Variants in NCALD observed in about 807,000 individuals in gnomAD.
NCALD encodes the protein neurocalcin delta.
Under a neutral mutation model 18.6 loss-of-function variants are expected in NCALD, and 10 were observed. That is an observed-to-expected ratio of 0.54 (90% CI 0.33 to 0.91). The LOEUF is 0.91. Among genes scored for constraint, NCALD ranks in the 40% least tolerant of loss-of-function variants. The pLI, the probability that NCALD is intolerant of heterozygous loss-of-function variation, is 0.03. For missense variants in NCALD, 184 were observed against 247.6 expected (o/e 0.74, Z 1.72); for synonymous variants, 88 against 87.4 (o/e 1.01, Z -0.04).
chr8:101,718,700 T>C (rs886922406), intron 2 of NCALD, among the ~76,000 whole-genome samples: 1 of 152,124 alleles, frequency 6.6e-6, no homozygotes, highest in Non-Finnish European at 1.5e-5. Flanking sequence ...GAACCACTCC[T>C]CTCAGCCAAG....
chr8:101,932,271 C>A (rs1451843785), intron 2 of NCALD, among the ~76,000 whole-genome samples: 1 of 152,156 alleles, frequency 6.6e-6, no homozygotes. Flanking sequence ...TGAGGACAGT[C>A]CTCAGCCAAT....
At chr8:101,851,105 T>C (rs1815075313) in intron 4 of NCALD, among the ~76,000 whole-genome samples, 1 of 152,234 alleles carries the variant, frequency 6.6e-6, no homozygotes, top group South Asian at 2.1e-4. Context: ...AAGCATTTCC[T>C]AAATTTATTT....
chr8:102,073,531 CTT>C (rs57625174), intron 1 of NCALD, among the ~76,000 whole-genome samples: 12 of 146,682 alleles, frequency 8.2e-5, no homozygotes, highest in Non-Finnish European at 9.1e-5. Flanking sequence ...ATATTTTATG[CTT>C]TTTTTTTTTA....
chr8:102,021,265 C>T (rs534557472), intron 1 of NCALD, among the ~76,000 whole-genome samples: 2 of 152,230 alleles, frequency 1.3e-5, no homozygotes, highest in African/African-American at 4.8e-5. Context: ...ATCCTCAGTC[C>T]TTAGCTTTCC....
chr8:101,900,269 A>G (rs1384933673), intron 3 of NCALD, among the ~76,000 whole-genome samples: 1 of 151,778 alleles, frequency 6.6e-6, no homozygotes, highest in Non-Finnish European at 1.5e-5. Flanking sequence ...GTGTTGCTGA[A>G]GGTTTATCAA....
chr8:101,700,532 G>A (rs1815213298), intron 2 of NCALD, among the ~76,000 whole-genome samples: 1 of 152,112 alleles, frequency 6.6e-6, no homozygotes, highest in African/African-American at 2.4e-5. Context: ...TCCCCTGGTG[G>A]CAAGTAAAAC....
chr8:101,703,817 G>A (rs1815385500), intron 2 of NCALD, among the ~76,000 whole-genome samples: 1 of 152,102 alleles, frequency 6.6e-6, no homozygotes, highest in South Asian at 2.1e-4. Context: ...AGAGAGCTGT[G>A]GCAGGTCTCC....
intron 4 of NCALD, among the ~76,000 whole-genome samples, chr8:101,801,027 A>T (rs1050074292): frequency 6.6e-6 from 1 of 151,182 alleles, no homozygotes; most frequent in Non-Finnish European, 1.5e-5. Context: ...AAGGGAAAGG[A>T]TGAAGGAAAG....
intron 2 of NCALD, among the ~76,000 whole-genome samples, chr8:101,985,148 G>T (rs749841205): frequency 2.6e-5 from 4 of 152,172 alleles, no homozygotes; most frequent in Non-Finnish European, 4.4e-5. Flanking sequence ...GCCATGCTGC[G>T]TGGAAGCCAA....
At chr8:101,969,309 T>C (rs569983092) in intron 2 of NCALD, among the ~76,000 whole-genome samples, 1 of 152,320 alleles carries the variant, frequency 6.6e-6, no homozygotes, top group Admixed American at 6.5e-5. Flanking sequence ...TATTAGCTGG[T>C]GAATTCACTA....
At chr8:101,998,422 T>A (rs542380097) in intron 2 of NCALD, among the ~76,000 whole-genome samples, 1 of 152,264 alleles carries the variant, frequency 6.6e-6, no homozygotes, top group South Asian at 2.1e-4. Context: ...CCCAAAGTTA[T>A]CTACACTGCC....
Position 101,964,463 on chromosome 8 carries a change from C to T in NCALD, c.-156-48605G>A, listed in dbSNP as rs542702142. ...ATGCAGGGTCCCAGTAGCCTTCCAT[C>T]TTGTGGCTCCACCAACTTCACTGCA... On this transcript the variant is annotated intron_variant, in intron 2 of 6. Coordinates refer to the NCALD transcript ENST00000311028. Among the ~76,000 whole-genome samples the T allele has an allele frequency of 5.9e-5, 9 of 152,292 alleles. No individual in the cohort carries two copies. The East Asian group carries it at 1.7e-3, about 29-fold the overall frequency.
chr8:101,970,260 A>G (rs1015823959), intron 2 of NCALD, among the ~76,000 whole-genome samples: 15 of 152,126 alleles, frequency 9.9e-5, no homozygotes, highest in African/African-American at 3.1e-4. Flanking sequence ...AAATATGGAG[A>G]TTTTGTTCAT....
chr8:102,110,111 T>G (rs1025167631), intron 1 of NCALD, among the ~76,000 whole-genome samples: 1 of 152,196 alleles, frequency 6.6e-6, no homozygotes, highest in African/African-American at 2.4e-5. Flanking sequence ...ACCCAGACCT[T>G]TAACACTGGC....
intron 1 of NCALD, among the ~76,000 whole-genome samples, chr8:101,724,733 T>C (rs1212318810): frequency 6.6e-6 from 1 of 152,164 alleles, no homozygotes; most frequent in East Asian, 1.9e-4. Context: ...AGCAAATAAA[T>C]GAAAACTCAG....
intron 4 of NCALD, among the ~76,000 whole-genome samples, chr8:101,850,115 G>C (rs985733559): frequency 6.6e-6 from 1 of 152,154 alleles, no homozygotes; most frequent in Non-Finnish European, 1.5e-5. Flanking sequence ...ACTGTGCTTT[G>C]GAGTCCATGT....
chr8:101,973,384 A>G lies in NCALD; in HGVS notation c.-157+46853T>C, dbSNP rs537376850. ...ACGGCCCTCTGTTGCAAGCTGTCTG[A>G]TGTTTTTCTATACTTAGACTGAGGT... On this transcript the variant is annotated intron_variant, in intron 2 of 6. Transcript: ENST00000311028. 4.6e-5 allele frequency among the ~76,000 whole-genome samples: 7 copies of G among 152,242 alleles called. No homozygotes were observed. The South Asian group carries it at 1.2e-3, about 27-fold the overall frequency.
chr8:101,797,681 T>C (rs1812689772), intron 4 of NCALD, among the ~76,000 whole-genome samples: 1 of 151,850 alleles, frequency 6.6e-6, no homozygotes, highest in Non-Finnish European at 1.5e-5. Context: ...CTGGGTGTGG[T>C]GGCCTGCACC....
At chr8:101,754,574 C>T (rs1810795021) in intron 1 of NCALD, among the ~76,000 whole-genome samples, 1 of 152,016 alleles carries the variant, frequency 6.6e-6, no homozygotes, top group Admixed American at 6.6e-5. Flanking sequence ...GGCACTAATC[C>T]CATTCATGAC....
Sources: gnomAD v4.1 joint callset for allele counts (sites outside exome capture counted in the v4.1 genomes callset) on GRCh38, gnomAD v4.1.1 for gene constraint, MANE v1.5 for transcripts, NCBI Gene and HGNC (gene_info 2026-07-23, HGNC 2026-07-21) for gene names.